Variants in SLC39A11 observed in about 807,000 individuals in gnomAD.
The protein encoded by SLC39A11 is solute carrier family 39 member 11.
Under a neutral mutation model 36.1 loss-of-function variants are expected in SLC39A11, and 33 were observed. That is an observed-to-expected ratio of 0.91 (90% CI 0.69 to 1.22). The LOEUF is 1.22. Ranked by LOEUF, SLC39A11 falls within the 50% of genes most tolerant of loss-of-function variation. The probability of loss-of-function intolerance (pLI) is 0.00; values close to 1 mark genes in which losing one functional copy is unlikely to be tolerated. For missense variants in SLC39A11, 432 were observed against 430.3 expected, an observed-to-expected ratio of 1.00 and a Z score of -0.03; for synonymous variants, 166 against 170.3, an observed-to-expected ratio of 0.97 and a Z score of 0.20.
intron 5 of SLC39A11, among the ~76,000 whole-genome samples, chr17:72,868,646 A>AAAAG (rs1353822019): frequency 2.4e-4 from 35 of 148,674 alleles, no homozygotes; most frequent in African/African-American, 8.5e-4. Context: ...AAAAAAAAAA[A>AAAAG]AAAGAAAGAA....
intron 6 of SLC39A11, among the ~76,000 whole-genome samples, chr17:72,817,596 A>C (rs571562216): frequency 6.6e-6 from 1 of 152,224 alleles, no homozygotes; most frequent in Non-Finnish European, 1.5e-5. Context: ...CGCTCAATGG[A>C]TGATGGCTAT....
intron 5 of SLC39A11, among the ~76,000 whole-genome samples, chr17:72,919,555 C>T (rs951532173): frequency 1.3e-5 from 2 of 151,626 alleles, no homozygotes; most frequent in Non-Finnish European, 2.9e-5. Context: ...GCCTGTAGTC[C>T]CAGCTACTCG....
At chr17:72,752,336 C>G (rs951060214) in intron 6 of SLC39A11, among the ~76,000 whole-genome samples, 2 of 152,132 alleles carry the variant, frequency 1.3e-5, no homozygotes, top group African/African-American at 4.8e-5. Flanking sequence ...CCTCCGCCTC[C>G]CGGGTTCCAG....
chr17:72,900,335 C>T (rs1471019114), intron 5 of SLC39A11, among the ~76,000 whole-genome samples: 1 of 151,898 alleles, frequency 6.6e-6, no homozygotes, highest in Non-Finnish European at 1.5e-5. Flanking sequence ...AGGAACAAGT[C>T]GTGGGGGTAT....
chr17:73,056,526 T>A (rs1456340841), intron 3 of SLC39A11, among the ~76,000 whole-genome samples: 2 of 152,040 alleles, frequency 1.3e-5, no homozygotes, highest in African/African-American at 4.8e-5. Context: ...GCATCCAGGA[T>A]TAGATTGTGC....
At chr17:73,002,624 G>C (rs1374019236) in intron 4 of SLC39A11, among the ~76,000 whole-genome samples, 1 of 152,240 alleles carries the variant, frequency 6.6e-6, no homozygotes, top group Non-Finnish European at 1.5e-5. Context: ...TGCAAGGCAA[G>C]AGGAAAGGCA....
At chr17:73,020,559 G>T (rs2058306987) in intron 4 of SLC39A11, among the ~76,000 whole-genome samples, 1 of 152,094 alleles carries the variant, frequency 6.6e-6, no homozygotes, top group Non-Finnish European at 1.5e-5. Context: ...TATTTCTAAA[G>T]GAAACCAAGT....
chr17:72,991,008 C>A (rs376110721), intron 4 of SLC39A11, among the ~76,000 whole-genome samples: 1 of 152,198 alleles, frequency 6.6e-6, no homozygotes. Flanking sequence ...TTAAGGCAAT[C>A]TTTCAGAAAT....
At chr17:72,781,580 T>C (rs1422801373) in intron 6 of SLC39A11, among the ~76,000 whole-genome samples, 2 of 152,088 alleles carry the variant, frequency 1.3e-5, no homozygotes, top group Admixed American at 6.6e-5. Context: ...CCCGCCACCA[T>C]GCCCAGCTAA....
chr17:72,912,054 T>C (rs535310144), intron 5 of SLC39A11, among the ~76,000 whole-genome samples: 47 of 152,252 alleles, frequency 3.1e-4, no homozygotes, highest in African/African-American at 9.9e-4. Flanking sequence ...CTGGTGGGCA[T>C]TGGTGCTGCA....
intron 5 of SLC39A11, among the ~76,000 whole-genome samples, chr17:72,876,500 A>G (rs1214930759): frequency 6.6e-6 from 1 of 152,140 alleles, no homozygotes; most frequent in African/African-American, 2.4e-5. Flanking sequence ...ACAGAAATGG[A>G]CCCTCCCAGC....
intron 3 of SLC39A11, among the ~76,000 whole-genome samples, chr17:73,038,919 C>T (rs1253377673): frequency 4.6e-5 from 7 of 152,038 alleles, no homozygotes; most frequent in Non-Finnish European, 8.8e-5. Flanking sequence ...GCCTAAGCAG[C>T]TCAATCTGTG....
chr17:72,692,380 G>A (rs1026329954), intron 7 of SLC39A11, among the ~76,000 whole-genome samples: 5 of 152,098 alleles, frequency 3.3e-5, no homozygotes, highest in East Asian at 1.9e-4. Context: ...CTGTTTTCAT[G>A]CTGCTAATAA....
chr17:72,899,709 C>G (rs1380228183), intron 5 of SLC39A11, among the ~76,000 whole-genome samples: 1 of 152,140 alleles, frequency 6.6e-6, no homozygotes, highest in Non-Finnish European at 1.5e-5. Flanking sequence ...TGCCTGTAAT[C>G]CCAGCACTTT....
At chr17:72,862,546 C>A (rs942410760) in intron 5 of SLC39A11, among the ~76,000 whole-genome samples, 1 of 152,124 alleles carries the variant, frequency 6.6e-6, no homozygotes, top group Non-Finnish European at 1.5e-5. Flanking sequence ...CAGGGACACA[C>A]AAAGAATGGC....
At chr17:73,000,722 A>T (rs980615893) in intron 4 of SLC39A11, among the ~76,000 whole-genome samples, 3 of 152,236 alleles carry the variant, frequency 2.0e-5, no homozygotes, top group Middle Eastern at 3.2e-3. Context: ...TCACAAGGTC[A>T]GAGGCCAACT....
intron 7 of SLC39A11, among the ~76,000 whole-genome samples, chr17:72,715,863 A>G (rs945839956): frequency 6.6e-6 from 1 of 151,766 alleles, no homozygotes; most frequent in Admixed American, 6.6e-5. Context: ...GCCACCTGTA[A>G]TTTTTGTATT....
At chr17:72,944,530 C>G (rs1461757423) in intron 5 of SLC39A11, among the ~76,000 whole-genome samples, 4 of 151,100 alleles carry the variant, frequency 2.6e-5, no homozygotes, top group Non-Finnish European at 5.9e-5. Flanking sequence ...CCTTGCCTTT[C>G]AAACACACAC....
At chr17:72,871,650 G>A (rs1302906332) in intron 5 of SLC39A11, among the ~76,000 whole-genome samples, 1 of 152,154 alleles carries the variant, frequency 6.6e-6, no homozygotes, top group Non-Finnish European at 1.5e-5. Context: ...CATGTGGGGT[G>A]CTGGAAGGGT....
Sources: allele counts gnomAD v4.1 joint callset (sites outside exome capture counted in the v4.1 genomes callset), GRCh38; gene constraint gnomAD v4.1.1; transcripts MANE v1.5; gene names NCBI Gene and HGNC (gene_info 2026-07-23, HGNC 2026-07-21).